SCHIP1: variants seen among roughly 807,000 people sequenced by gnomAD.
SCHIP1 encodes the protein schwannomin-interacting protein 1.
SCHIP1 carries 8 observed loss-of-function variants against 29.7 expected under a neutral mutation model. The observed-to-expected ratio is 0.27, with a 90% CI of 0.16 to 0.49. The LOEUF (loss-of-function observed/expected upper bound fraction) is 0.49. SCHIP1 is among the 20% of genes least tolerant of loss of function. SCHIP1 has a pLI of 0.99. For synonymous variants in SCHIP1, 76 were observed against 94.9 expected, an observed-to-expected ratio of 0.80 and a Z score of 1.16; for missense variants, 193 against 294.6, an observed-to-expected ratio of 0.66 and a Z score of 2.52.
chr3:159,769,799 A>G, the SCHIP1 span, among the ~76,000 whole-genome samples: 1 of 152,222 alleles, frequency 6.6e-6, no homozygotes, highest in African/African-American at 2.4e-5. Flanking sequence ...GGTATAAGTG[A>G]CATACATCAA....
intron 1 of SCHIP1, among the ~76,000 whole-genome samples, chr3:159,856,156 G>C (rs1713335810): frequency 6.6e-6 from 1 of 152,132 alleles, no homozygotes; most frequent in South Asian, 2.1e-4. Context: ...ATTGTCTTCA[G>C]GACCAACGTG....
At chr3:159,705,537 G>A in the SCHIP1 span, among the ~76,000 whole-genome samples, 1 of 151,958 alleles carries the variant, frequency 6.6e-6, no homozygotes, top group African/African-American at 2.4e-5. Flanking sequence ...TATAGAGAGA[G>A]AACAGCACTT....
At chr3:159,760,138 G>T in the SCHIP1 span, among the ~76,000 whole-genome samples, 1 of 152,044 alleles carries the variant, frequency 6.6e-6, no homozygotes, top group African/African-American at 2.4e-5. Context: ...TTGCATTTTT[G>T]GAAGTATCTA....
At chr3:159,854,773 T>C (rs1713123779) in intron 1 of SCHIP1, among the ~76,000 whole-genome samples, 1 of 152,230 alleles carries the variant, frequency 6.6e-6, no homozygotes, top group African/African-American at 2.4e-5. Flanking sequence ...ATTTCTCAGA[T>C]AGAAGAGGAT....
chr3:159,373,241 T>G, the SCHIP1 span, among the ~76,000 whole-genome samples: 1 of 151,334 alleles, frequency 6.6e-6, no homozygotes, highest in African/African-American at 2.4e-5. Context: ...TAATATATAT[T>G]ACAGTTATAT....
the SCHIP1 span, among the ~76,000 whole-genome samples, chr3:159,720,525 G>C: frequency 6.6e-6 from 1 of 151,524 alleles, no homozygotes; most frequent in East Asian, 1.9e-4. Context: ...TAAGACCTTC[G>C]TTCCCCTAGC....
chr3:159,451,579 A>G, the SCHIP1 span, among the ~76,000 whole-genome samples: 3 of 152,216 alleles, frequency 2.0e-5, no homozygotes, highest in Non-Finnish European at 4.4e-5. Flanking sequence ...ATAAATCAAT[A>G]CTTTAAAATC....
chr3:159,673,109 G>A, the SCHIP1 span, among the ~76,000 whole-genome samples: 12,110 of 152,068 alleles, frequency 0.08, 1,036 homozygotes, highest in African/African-American at 0.22. Flanking sequence ...AATGTTTCCC[G>A]CCTCCTCCAA....
At chr3:159,578,367 T>C in the SCHIP1 span, among the ~76,000 whole-genome samples, 2 of 152,212 alleles carry the variant, frequency 1.3e-5, no homozygotes, top group Non-Finnish European at 2.9e-5. Flanking sequence ...TGACTACATG[T>C]TGAAATATTA....
At chr3:159,334,691 T>A in the SCHIP1 span, among the ~76,000 whole-genome samples, 3 of 152,120 alleles carry the variant, frequency 2.0e-5, no homozygotes, top group Admixed American at 2.0e-4. Context: ...CTTTTGAGAG[T>A]CATTCACATT....
the SCHIP1 span, chr3:159,764,482 G>C: frequency 9.4e-6 from 15 of 1,589,038 alleles, no homozygotes; most frequent in South Asian, 1.2e-4. The surrounding 1 kb of genome is among the most constrained non-coding windows in gnomAD (Gnocchi z 6.1). Flanking sequence ...CAGTGACGCC[G>C]GCAGCAGCAG....
chr3:159,852,546 T>C (rs888569945), intron 1 of SCHIP1, among the ~76,000 whole-genome samples: 2 of 152,154 alleles, frequency 1.3e-5, no homozygotes, highest in South Asian at 4.1e-4. Flanking sequence ...CCAGAAGCCA[T>C]GGGAAAAGTG....
chr3:159,828,388 C>CGTATATACGT, the SCHIP1 span, among the ~76,000 whole-genome samples: 4 of 65,378 alleles, frequency 6.1e-5, no homozygotes, highest in Admixed American at 2.0e-4. Flanking sequence ...TATATATATA[C>CGTATATACGT]ATATATACGT....
the SCHIP1 span, among the ~76,000 whole-genome samples, chr3:159,671,681 C>A: frequency 6.6e-6 from 1 of 152,158 alleles, no homozygotes; most frequent in Non-Finnish European, 1.5e-5. Context: ...CTTCTGCTGG[C>A]ATTATTCTTT....
chr3:159,747,737 C>T, the SCHIP1 span, among the ~76,000 whole-genome samples: 1 of 152,158 alleles, frequency 6.6e-6, no homozygotes, highest in East Asian at 1.9e-4. Flanking sequence ...CTGAATTCCA[C>T]AGGCATCTGT....
chr3:159,382,258 TCACCC>T, the SCHIP1 span, among the ~76,000 whole-genome samples: 2 of 109,974 alleles, frequency 1.8e-5, 1 homozygote, highest in Middle Eastern at 9.2e-3. Flanking sequence ...CCCTCCCCCC[TCACCC>T]CACCCCACAA....
chr3:159,785,864 C>T, the SCHIP1 span, among the ~76,000 whole-genome samples: 1 of 152,200 alleles, frequency 6.6e-6, no homozygotes. Context: ...CTTTCATAGA[C>T]AACGATTGTT....
chr3:159,621,801 G>A, the SCHIP1 span, among the ~76,000 whole-genome samples: 1 of 152,086 alleles, frequency 6.6e-6, no homozygotes, highest in African/African-American at 2.4e-5. Flanking sequence ...TAGTAGCTTG[G>A]ATTACAGGTG....
At chr3:159,422,563 GA>G in the SCHIP1 span, among the ~76,000 whole-genome samples, 1 of 152,228 alleles carries the variant, frequency 6.6e-6, no homozygotes, top group African/African-American at 2.4e-5. Context: ...CCCAGATCAA[GA>G]AACAGAAAAA....
Sources: allele counts gnomAD v4.1 joint callset (sites outside exome capture counted in the v4.1 genomes callset), GRCh38; gene constraint gnomAD v4.1.1; non-coding constraint Gnocchi (gnomAD v3.1); transcripts MANE v1.5; gene names NCBI Gene and HGNC (gene_info 2026-07-23, HGNC 2026-07-21).